MRPL9: variants seen among roughly 807,000 people sequenced by gnomAD.
MRPL9 encodes the protein mitochondrial ribosomal protein L9, also known as large ribosomal subunit protein bL9m.
MRPL9 carries 25 observed loss-of-function variants against 27.6 expected under a neutral mutation model. The ratio of observed to expected loss-of-function variants is 0.91; its 90% CI spans 0.66 to 1.27. The LOEUF (loss-of-function observed/expected upper bound fraction) is 1.27, where lower values mean the gene tolerates loss of function less well. Ranked by LOEUF, MRPL9 falls within the 50% of genes most tolerant of loss-of-function variation. MRPL9 has a pLI of 0.00. For synonymous variants in MRPL9, 154 were observed against 139.0 expected (o/e 1.11, Z -0.76); for missense variants, 362 against 338.0 (o/e 1.07, Z -0.56).
In MRPL9 at chr1:151,762,111, A is replaced by AC; in HGVS notation, c.479dup (p.Glu161Ter). The AC allele has an allele frequency of 1.9e-6, 3 of 1,614,146 alleles. No individual in the cohort carries two copies. Among genetic ancestry groups the AC allele is most frequent in the Non-Finnish European group, 2.5e-6 (3 of 1,180,004 alleles). ...TTTTTATGTTTCTACTCACCGCCTC[A>AC]CCTGCCTTGGTCTGGATCTTCTCTA... On this transcript the variant is annotated frameshift_variant, in exon 4 of 7. Coordinates refer to ENST00000368830, the MANE Select transcript of MRPL9 (RefSeq NM_031420.4). LOFTEE classifies it high-confidence loss of function.
In MRPL9 at chr1:151,760,044, G is replaced by A. The variant is rs1488069409; in HGVS notation, c.*6C>T. 6.2e-7 allele frequency: 1 copy of A among 1,612,930 alleles called. No individual in the cohort carries two copies. Among genetic ancestry groups the A allele is most frequent in the African/African-American group, 1.3e-5 (1 of 74,908 alleles). ...TCTGCTTTGCTGCCTTGGAGGGAGA[G>A]TAGATTTAGATCTGGGGGCTGGTGG... On this transcript the variant is annotated 3_prime_UTR_variant, in exon 7 of 7. Transcript: ENST00000368830.
chr1:151,761,583 A>C, intron 4 of MRPL9, 31 bp from the exon 5 acceptor site: 1 of 1,511,028 alleles, frequency 6.6e-7, no homozygotes, highest in African/African-American at 1.4e-5. Flanking sequence ...GAGTCAAAGG[A>C]GAGGAAACAT....
intron 4 of MRPL9, chr1:151,761,898 C>G (rs977542064): frequency 4.9e-6 from 3 of 606,098 alleles, no homozygotes; most frequent in Non-Finnish European, 8.8e-6. Flanking sequence ...CAGATTGGGA[C>G]CTCCCTTGGT....
chr1:151,760,593 A>AG lies in MRPL9; in HGVS notation c.672+222_672+223insC, dbSNP rs1372728840. On this transcript the variant is annotated intron_variant, in intron 6 of 6. Transcript: ENST00000368830. ...CTCCAGCTCAAAAAAAAAAAAAAAA[A>AG]AAAAAAAATTAGAAAAAAGGGAGAG... Among the ~76,000 whole-genome samples, 4 of 150,280 alleles carry AG rather than the reference A, an allele frequency of 2.7e-5. No individual in the cohort carries two copies. The East Asian group carries it at 7.8e-4, about 29-fold the overall frequency.
intron 6 of MRPL9, 105 bp downstream of exon 6, chr1:151,760,711 G>T (rs1201699903): frequency 3.9e-6 from 4 of 1,028,650 alleles, no homozygotes; most frequent in African/African-American, 1.6e-5. Flanking sequence ...TTTGAATCCA[G>T]CCTGGGCAAT....
intron 6 of MRPL9, 121 bp downstream of exon 6, chr1:151,760,695 C>T: frequency 1.1e-6 from 1 of 880,882 alleles, no homozygotes; most frequent in Non-Finnish European, 1.6e-6. Flanking sequence ...CGCTTGAACC[C>T]AGGAGTTTGA....
Position 151,763,443 on chromosome 1 carries a change from G to C in MRPL9, c.37C>G (p.Leu13Val), listed in dbSNP as rs371429032. Residue 13 changes from leucine (L) to valine (V), a missense_variant, in exon 1 of 7, where the codon CTG becomes GTG. Transcript: ENST00000368830. The stretch of plus-strand genomic sequence containing the variant: ...AGCCGTCCAGCGCCCGCCCGCAGCA[G>C]AGCTCTGCCCGGGGCCGTGACAACG... The part of the protein sequence containing the change: ...APVVTAPGRA[L>V]LRAGAGRLLR... 5.4e-5 allele frequency: 85 copies of C among 1,572,460 alleles called. No homozygotes were observed. In the African/African-American group the frequency reaches 1.1e-3, roughly 20 times the overall value.
rs1648178531 is a variant in MRPL9, at chr1:151,763,023, T to C, written c.277A>G (p.Asn93Asp). ...VEDTKHRPKENLELILTQSVE... is the reference protein window; with the variant it reads ...VEDTKHRPKEDLELILTQSVE... ...GACTGCGTCAGGATGAGCTCCAGGT[T>C]TTCTTTGGGCCGATGCTTCGTGTCC... Residue 93 changes from asparagine (N) to aspartate (D), a missense_variant, in exon 2 of 7, where the codon AAC becomes GAC. Coordinates refer to ENST00000368830, the MANE Select transcript of MRPL9 (RefSeq NM_031420.4). The C allele has an allele frequency of 4.3e-6, 7 of 1,613,964 alleles. No homozygotes were observed. Among genetic ancestry groups the C allele is most frequent in the African/African-American group, 1.3e-5 (1 of 74,906 alleles).
Position 151,759,995 on chromosome 1 carries a change from C to T in MRPL9, c.*55G>A. 2 of 1,592,140 alleles carry T rather than the reference C, an allele frequency of 1.3e-6. No homozygotes were observed. Among genetic ancestry groups the T allele is most frequent in the Non-Finnish European group, 1.7e-6 (2 of 1,169,154 alleles). On this transcript the variant is annotated 3_prime_UTR_variant, in exon 7 of 7. Coordinates refer to ENST00000368830, the MANE Select transcript of MRPL9 (RefSeq NM_031420.4). ...TGGGAGTGAGATCAGGGTGCTTGCA[C>T]ATTTCTGCTCCACTGCTCCCGATTC...
Position 151,762,459 on chromosome 1 carries a change from A to C in MRPL9, c.352T>G (p.Leu118Val). ...RGDLVSVKKS[L>V]GRNRLLPQGL... ...TGAGGAAGGAGTCGATTCCGGCCTA[A>C]AGATTTCTTCACTGAGACCAGGTCA... The change falls in exon 3 of 7, where the codon TTA becomes GTA. Residue 118 changes from leucine to valine, a missense_variant. Physicochemically the swap from Leu to Val is conservative, Grantham distance 32. Transcript: ENST00000368830. 2 of 1,614,148 alleles carry C rather than the reference A, an allele frequency of 1.2e-6. No homozygotes were observed. Among genetic ancestry groups the C allele is most frequent in the Non-Finnish European group, 1.7e-6 (2 of 1,180,008 alleles).
At chr1:151,763,236 C>T in intron 1 of MRPL9, 90 bp from the exon 2 acceptor site, 2 of 1,537,142 alleles carry the variant, frequency 1.3e-6, no homozygotes, top group Non-Finnish European at 1.8e-6. Flanking sequence ...GGAAAGCCCG[C>T]CACCCCCACA....
In MRPL9 at chr1:151,760,911, A is replaced by AAAAAAAAAAAAAAAAAAC; in HGVS notation, c.589-13_589-12insGTTTTTTTTTTTTTTTTT. On this transcript the variant is annotated splice_polypyrimidine_tract_variant and intron_variant, in intron 5 of 6. Coordinates refer to ENST00000368830, the MANE Select transcript of MRPL9 (RefSeq NM_031420.4). ...ACCACAACACCAAGCTGCAAAAAAA[A>AAAAAAAAAAAAAAAAAAC]AAAAAAAAAAAAAAATCTCAGCTCA... 6.5e-7 allele frequency: 1 copy of AAAAAAAAAAAAAAAAAAC among 1,546,154 alleles called. No homozygotes were observed. Among genetic ancestry groups the AAAAAAAAAAAAAAAAAAC allele is most frequent in the Non-Finnish European group, 8.6e-7 (1 of 1,156,688 alleles).
Position 151,759,885 on chromosome 1 carries a change from T to C in MRPL9, c.*165A>G, listed in dbSNP as rs866648808. On this transcript the variant is annotated 3_prime_UTR_variant, in exon 7 of 7. Transcript: ENST00000368830. The stretch of plus-strand genomic sequence containing the variant: ...CTGCCCCAGTGATGACAGTTAAAGA[T>C]GGCAAAAATGAAGAATTCAACATGT... 1.2e-5 allele frequency: 11 copies of C among 896,778 alleles called. No individual in the cohort carries two copies. Among genetic ancestry groups the C allele is most frequent in the Middle Eastern group, 3.6e-4 (1 of 2,808 alleles). The allele number at this position is 896,778 out of a possible 1,614,324, so 55.6% of individuals were successfully genotyped here.
rs758250657 is a variant in MRPL9, at chr1:151,760,866, A to ACTT, written c.619_621dup (p.Lys207dup). 6 of 1,571,880 alleles carry ACTT rather than the reference A, an allele frequency of 3.8e-6. No individual in the cohort carries two copies. The South Asian group carries it at 5.7e-5, about 15-fold the overall frequency. ...CACCGTGTGATAGGCTCTTCTGGTAACTTTAATGTATGTGGGGCAACCACA... is the reference window on the plus strand; with the variant it reads ...CACCGTGTGATAGGCTCTTCTGGTAACTTCTTTAATGTATGTGGGGCAACCACA... On this transcript the variant is annotated inframe_insertion, in exon 6 of 7. Coordinates refer to ENST00000368830, the MANE Select transcript of MRPL9 (RefSeq NM_031420.4).
chr1:151,760,711 G>A, intron 6 of MRPL9, 105 bp downstream of exon 6: 2 of 1,028,784 alleles, frequency 1.9e-6, no homozygotes, highest in Non-Finnish European at 2.7e-6. Context: ...TTTGAATCCA[G>A]CCTGGGCAAT....
chr1:151,761,390 C>G (rs1648072149), intron 5 of MRPL9, 61 bp downstream of exon 5: 1 of 1,179,186 alleles, frequency 8.5e-7, no homozygotes, highest in African/African-American at 1.5e-5. Context: ...AATCCCAGGC[C>G]TCCTTTCCAG....
intron 2 of MRPL9, 109 bp downstream of exon 2, chr1:151,762,881 A>C: frequency 7.6e-7 from 1 of 1,315,846 alleles, no homozygotes; most frequent in South Asian, 1.4e-5. Context: ...ATAGAGTTGG[A>C]TTGTTTCCAC....
Position 151,763,151 on chromosome 1 carries a change from C to T in MRPL9, c.154-5G>A, listed in dbSNP as rs556425084. 396 of 1,612,018 alleles carry T rather than the reference C, an allele frequency of 2.5e-4. 1 individual carries two copies. The South Asian group carries it at 4.0e-3, about 16-fold the overall frequency. ...GCGCTCCACGATGACCGTGCCCTGG[C>T]GGCCAGGAAAGCGACGGTAAGCTAG... On this transcript the variant is annotated splice_region_variant and splice_polypyrimidine_tract_variant and intron_variant, in intron 1 of 6. Coordinates refer to ENST00000368830, the MANE Select transcript of MRPL9 (RefSeq NM_031420.4).
Position 151,763,114 on chromosome 1 carries a change from T to C in MRPL9, c.186A>G (p.Val62=). 1 of 1,613,876 alleles carries C rather than the reference T, an allele frequency of 6.2e-7. No individual in the cohort carries two copies. The highest frequency in any genetic ancestry group is 1.3e-5 in the African/African-American group (1 of 75,028). The part of the protein sequence containing the change: ...GTVIVERWWK[V]PLAGEGRKPR... ...GCTTCCGGCCCTCCCCGGCCAGCGG[T>C]ACCTTCCACCAGCGCTCCACGATGA... is the stretch of plus-strand genomic sequence containing the variant. Residue 62 remains valine (V), a synonymous_variant, in exon 2 of 7, where the codon GTA becomes GTG. Coordinates refer to ENST00000368830, the MANE Select transcript of MRPL9 (RefSeq NM_031420.4).
Sources: allele counts gnomAD v4.1 joint callset (sites outside exome capture counted in the v4.1 genomes callset), GRCh38; gene constraint gnomAD v4.1.1; transcripts MANE v1.5; gene names NCBI Gene and HGNC (gene_info 2026-07-23, HGNC 2026-07-21).